The following TMEM182 variants were observed in gnomAD, a reference collection of about 807,000 sequenced individuals.
TMEM182 encodes transmembrane protein 182.
TMEM182 carries 20 observed loss-of-function variants against 26.8 expected under a neutral mutation model. That is an observed-to-expected ratio of 0.75 (90% confidence interval 0.53 to 1.09). The LOEUF (loss-of-function observed/expected upper bound fraction) is 1.09. TMEM182 is among the 50% of genes least tolerant of loss of function. The probability of loss-of-function intolerance (pLI) is 0.00; values close to 1 mark genes in which losing one functional copy is unlikely to be tolerated. For missense variants in TMEM182, 277 were observed against 275.5 expected (o/e 1.01, Z -0.04); for synonymous variants, 109 against 102.2 (o/e 1.07, Z -0.40).
At chr2:102,807,881 G>A (rs149091790) in intron 4 of TMEM182, among the ~76,000 whole-genome samples, 27 of 152,236 alleles carry the variant, frequency 1.8e-4, no homozygotes, top group Non-Finnish European at 4.0e-4. Flanking sequence ...CATTTTTAGT[G>A]TTTATATTTA....
rs1681951599 is a variant in TMEM182 at position 102,797,991 on chromosome 2, A to G, written c.460A>G (p.Ile154Val). The change falls in exon 4 of 5, where the codon ATT becomes GTT. Residue 154 changes from isoleucine (I) to valine (V), a missense_variant. Coordinates refer to ENST00000412401, the MANE Select transcript of TMEM182 (RefSeq NM_144632.5). ...CTACAAAGCTGGGGGAGGCTCATATATTGCTGCAGGTACGTACGGTGCAAT... is the reference window on the plus strand; with the variant it reads ...CTACAAAGCTGGGGGAGGCTCATATGTTGCTGCAGGTACGTACGGTGCAAT... Reference protein sequence around the residue: ...FLYKAGGGSYIAAGILFSLVV... With the variant: ...FLYKAGGGSYVAAGILFSLVV... 2 of 1,613,714 alleles carry G rather than the reference A, an allele frequency of 1.2e-6. No individual in the cohort carries two copies. Among genetic ancestry groups the G allele is most frequent in the Non-Finnish European group, 1.7e-6 (2 of 1,179,938 alleles).
At chr2:102,820,242 G>T (rs1682892398), downstream of TMEM182, among the ~76,000 whole-genome samples, 2 of 152,162 alleles carry the variant, frequency 1.3e-5, no homozygotes, top group Admixed American at 1.3e-4. Flanking sequence ...CTTGCAATTT[G>T]CCAAATCATT....
At chr2:102,779,762 C>T (rs1681083039) in intron 3 of TMEM182, among the ~76,000 whole-genome samples, 2 of 151,464 alleles carry the variant, frequency 1.3e-5, no homozygotes, top group South Asian at 2.1e-4. Flanking sequence ...TTTGGGAGGC[C>T]AAGGCGGGTG....
chr2:102,769,998 C>T (rs1026058751), intron 3 of TMEM182, among the ~76,000 whole-genome samples: 2 of 152,088 alleles, frequency 1.3e-5, no homozygotes, highest in Non-Finnish European at 2.9e-5. Flanking sequence ...TCCTGAAAGT[C>T]ATTAATTATA....
chr2:102,756,655 G>T (rs1487079578), intron 1 of TMEM182, among the ~76,000 whole-genome samples: 1 of 152,124 alleles, frequency 6.6e-6, no homozygotes, highest in Non-Finnish European at 1.5e-5. Context: ...GTTGCAGTGA[G>T]CTGAGTTCCT....
intron 3 of TMEM182, chr2:102,797,641 G>T (rs907098898): frequency 5.6e-5 from 28 of 504,250 alleles, no homozygotes; most frequent in African/African-American, 4.8e-4. Context: ...CAAACATTGA[G>T]CAAGAGGAGT....
chr2:102,833,375 CT>C (rs1434027296), intron 3 of TMEM182, among the ~76,000 whole-genome samples: 1 of 152,184 alleles, frequency 6.6e-6, no homozygotes, highest in East Asian at 1.9e-4. Context: ...TAATTTCTCC[CT>C]GGAATTGTGC....
intron 3 of TMEM182, among the ~76,000 whole-genome samples, chr2:102,787,912 A>G (rs1681465675): frequency 6.6e-6 from 1 of 152,228 alleles, no homozygotes; most frequent in Admixed American, 6.5e-5. Context: ...AGGAAAGAAC[A>G]CATGTGAGGG....
chr2:102,762,641 G>T lies in TMEM182; in HGVS notation c.187G>T (p.Gly63Trp). Residue 63 changes from glycine to tryptophan, a missense_variant, in exon 2 of 5, where the codon GGG (glycine) becomes TGG (tryptophan). By Grantham distance (184) the Gly-to-Trp change is radical. Transcript: ENST00000412401. Reference sequence around the variant, plus strand: ...GTTCTTCTGGAGGTGTTGGTTTAATGGGATTGTGGAAGAGAATGACTCCAA... The same window carrying T: ...GTTCTTCTGGAGGTGTTGGTTTAATTGGATTGTGGAAGAGAATGACTCCAA... ...EGFFWRCWFNGIVEENDSNIW... is the reference protein window; with the variant it reads ...EGFFWRCWFNWIVEENDSNIW... 1 of 1,613,896 alleles carries T rather than the reference G, an allele frequency of 6.2e-7. No homozygotes were observed. The highest frequency in any genetic ancestry group is 8.5e-7 in the Non-Finnish European group (1 of 1,179,926).
chr2:102,796,111 C>T (rs1681857509), intron 3 of TMEM182, among the ~76,000 whole-genome samples: 1 of 152,156 alleles, frequency 6.6e-6, no homozygotes, highest in African/African-American at 2.4e-5. Context: ...CTTTAGGGGG[C>T]TATTTTCCTA....
chr2:102,798,140 CTAA>C (rs1681962461), intron 4 of TMEM182, 140 bp downstream of exon 4: 2 of 1,018,700 alleles, frequency 2.0e-6, no homozygotes, highest in East Asian at 2.8e-5. Flanking sequence ...TGAACACTAA[CTAA>C]TAATATTTGT....
upstream of TMEM182, among the ~76,000 whole-genome samples, chr2:102,757,828 T>G (rs556970022): frequency 2.4e-4 from 37 of 152,314 alleles, no homozygotes; most frequent in Middle Eastern, 3.4e-3. Context: ...CTCAGGAAAC[T>G]TAGAATCTTG....
At chr2:102,754,554 C>T (rs923090078) in intron 1 of TMEM182, among the ~76,000 whole-genome samples, 25 of 152,158 alleles carry the variant, frequency 1.6e-4, no homozygotes, top group African/African-American at 6.0e-4. Flanking sequence ...TTTTCTAGAA[C>T]ATGGATTTGC....
rs546699255 is a variant in TMEM182 at position 102,788,903 on chromosome 2, G to A, written c.332-8960G>A. Among the ~76,000 whole-genome samples the A allele has an allele frequency of 3.3e-5, 5 of 152,292 alleles. No homozygotes were observed. In the East Asian group the frequency reaches 9.7e-4, roughly 29 times the overall value. On this transcript the variant is annotated intron_variant, in intron 3 of 4. Transcript: ENST00000412401. Reference sequence around the variant, plus strand: ...ACTGGACTTTGCTTGGCATGTTCACGATTGTGGGGTTCAGATGCAGAGATA... The same window carrying A: ...ACTGGACTTTGCTTGGCATGTTCACAATTGTGGGGTTCAGATGCAGAGATA...
At chr2:102,752,779 G>C (rs1454588484) in intron 1 of TMEM182, among the ~76,000 whole-genome samples, 1 of 152,180 alleles carries the variant, frequency 6.6e-6, no homozygotes, top group Non-Finnish European at 1.5e-5. Flanking sequence ...TGATAAAGAA[G>C]GAACTAGTAA....
At chr2:102,758,478 G>A, upstream of TMEM182, 3 of 717,102 alleles carry the variant, frequency 4.2e-6, no homozygotes, top group Non-Finnish European at 7.8e-6. Flanking sequence ...TCCATGGTAA[G>A]CTCCATTTCA....
chr2:102,768,857 G>A (rs1160232573), intron 3 of TMEM182, among the ~76,000 whole-genome samples: 1 of 151,880 alleles, frequency 6.6e-6, no homozygotes. Context: ...GTAAGCTGAA[G>A]TGAATGATGT....
intron 3 of TMEM182, among the ~76,000 whole-genome samples, chr2:102,785,810 T>C (rs1305719217): frequency 2.0e-5 from 3 of 152,208 alleles, no homozygotes; most frequent in African/African-American, 4.8e-5. Flanking sequence ...GGATGTTAGA[T>C]GTTTATGAGG....
chr2:102,742,285 A>G (rs1014135217), intron 1 of TMEM182, among the ~76,000 whole-genome samples: 4 of 152,188 alleles, frequency 2.6e-5, no homozygotes, highest in Non-Finnish European at 5.9e-5. Context: ...ATAACCAGGG[A>G]AACAATCATT....
Sources: gnomAD v4.1 joint callset for allele counts (sites outside exome capture counted in the v4.1 genomes callset) on GRCh38, gnomAD v4.1.1 for gene constraint, MANE v1.5 for transcripts, NCBI Gene and HGNC (gene_info 2026-07-23, HGNC 2026-07-21) for gene names.